FSTL5: variants seen among roughly 807,000 people sequenced by gnomAD.
The protein encoded by FSTL5 is follistatin like 5, also known as follistatin-related protein 5.
In FSTL5, 62 loss-of-function variants were observed where a neutral mutation model predicts 89.1. The ratio of observed to expected loss-of-function variants is 0.70; its 90% CI spans 0.57 to 0.86. The LOEUF is 0.86. Among genes scored for constraint, FSTL5 ranks in the 40% least tolerant of loss-of-function variants. The probability of loss-of-function intolerance (pLI) is 0.00; values close to 1 mark genes in which losing one functional copy is unlikely to be tolerated. For synonymous variants in FSTL5, 383 were observed against 346.2 expected (o/e 1.11, Z -1.18); for missense variants, 1,057 against 1,001.6 (o/e 1.06, Z -0.75).
At chr4:161,416,966 C>T (rs892772701) in intron 15 of FSTL5, among the ~76,000 whole-genome samples, 3 of 151,762 alleles carry the variant, frequency 2.0e-5, no homozygotes, top group Admixed American at 2.0e-4. Flanking sequence ...TATCTCTTTT[C>T]TATTAATCTT....
At chr4:161,743,091 AT>A (rs1740083493) in intron 6 of FSTL5, among the ~76,000 whole-genome samples, 1 of 151,926 alleles carries the variant, frequency 6.6e-6, no homozygotes, top group Admixed American at 6.6e-5. Flanking sequence ...TCTATATTTT[AT>A]TTTTTTACCT....
intron 4 of FSTL5, among the ~76,000 whole-genome samples, chr4:161,798,449 A>G (rs1470035289): frequency 6.6e-6 from 1 of 150,956 alleles, no homozygotes; most frequent in African/African-American, 2.4e-5. Flanking sequence ...CAGGGTGAAA[A>G]AATAAAGAAA....
chr4:161,771,333 C>T (rs749578499), intron 5 of FSTL5, among the ~76,000 whole-genome samples: 32 of 151,988 alleles, frequency 2.1e-4, no homozygotes, highest in Admixed American at 1.6e-3. Flanking sequence ...AGCAATGTTT[C>T]CAATAAGCTT....
At chr4:162,104,926 C>CT (rs1320783084) in intron 2 of FSTL5, among the ~76,000 whole-genome samples, 1 of 152,146 alleles carries the variant, frequency 6.6e-6, no homozygotes, top group Non-Finnish European at 1.5e-5. Flanking sequence ...AATACTACCC[C>CT]TTGTCAACAG....
chr4:161,640,855 C>T (rs940184325), intron 7 of FSTL5, among the ~76,000 whole-genome samples: 5 of 134,014 alleles, frequency 3.7e-5, no homozygotes, highest in Admixed American at 3.4e-4. Flanking sequence ...TACCTAGACA[C>T]TTTACAATCA....
At chr4:162,021,526 A>C (rs778584026) in intron 3 of FSTL5, among the ~76,000 whole-genome samples, 18 of 152,304 alleles carry the variant, frequency 1.2e-4, no homozygotes, top group Non-Finnish European at 2.4e-4. Flanking sequence ...CTCTCCTTTA[A>C]ATCCTTTATA....
intron 4 of FSTL5, among the ~76,000 whole-genome samples, chr4:161,848,697 ACT>A (rs1026650108): frequency 4.6e-5 from 7 of 152,144 alleles, no homozygotes; most frequent in African/African-American, 1.4e-4. Flanking sequence ...GTTGGTTCAA[ACT>A]CTACTCCATA....
chr4:162,146,676 T>G (rs1265825433), intron 1 of FSTL5, among the ~76,000 whole-genome samples: 5 of 12,912 alleles, frequency 3.9e-4, no homozygotes, highest in Non-Finnish European at 1.0e-3. Flanking sequence ...TTCCCTTCCC[T>G]TCCCTTCCCT....
intron 5 of FSTL5, among the ~76,000 whole-genome samples, chr4:161,761,724 A>T (rs1740813315): frequency 6.6e-6 from 1 of 152,234 alleles, no homozygotes; most frequent in African/African-American, 2.4e-5. Context: ...TGGGCAGGCC[A>T]TTTTAATGCA....
chr4:161,714,354 C>T (rs1271156267), intron 6 of FSTL5, among the ~76,000 whole-genome samples: 2 of 152,246 alleles, frequency 1.3e-5, no homozygotes, highest in East Asian at 1.9e-4. Context: ...TTGTTTGTTT[C>T]GGTTAAAAGT....
In FSTL5 at chr4:161,920,646, A is replaced by G. The variant is rs1418439232; in HGVS notation, c.167T>C (p.Met56Thr). ...NQESSRVKGFMIQDGPFGSCE... is the reference protein window; with the variant it reads ...NQESSRVKGFTIQDGPFGSCE... Reference sequence around the variant, plus strand: ...AGATCCAAAAGGGCCATCCTGAATCATAAATCCTGAAGAATTAAAAAAAAA... The same window carrying G: ...AGATCCAAAAGGGCCATCCTGAATCGTAAATCCTGAAGAATTAAAAAAAAA... Residue 56 changes from methionine (M) to threonine (T), a missense_variant, in exon 4 of 16, where the codon ATG becomes ACG. Physicochemically the swap from Met to Thr is moderately conservative, Grantham distance 81. Transcript: ENST00000306100. 6.4e-7 allele frequency: 1 copy of G among 1,571,878 alleles called. No individual in the cohort carries two copies. The highest frequency in any genetic ancestry group is 1.9e-5 in the Admixed American group (1 of 52,548).
intron 13 of FSTL5, among the ~76,000 whole-genome samples, chr4:161,476,490 C>A (rs1191198001): frequency 3.9e-5 from 6 of 152,028 alleles, no homozygotes; most frequent in Non-Finnish European, 8.8e-5. Context: ...ACATGCCCAG[C>A]CACTGCTGTT....
chr4:162,124,657 C>G (rs562758782), intron 1 of FSTL5, among the ~76,000 whole-genome samples: 2 of 152,264 alleles, frequency 1.3e-5, no homozygotes, highest in East Asian at 3.9e-4. Flanking sequence ...GCTGGAGACT[C>G]TATCAAAACA....
At chr4:161,832,597 G>A (rs534899909) in intron 4 of FSTL5, among the ~76,000 whole-genome samples, 2 of 152,182 alleles carry the variant, frequency 1.3e-5, no homozygotes, top group Non-Finnish European at 2.9e-5. Context: ...CTTCTTCCTG[G>A]TTTAGTCTTG....
chr4:161,775,774 T>C (rs1342823615), intron 5 of FSTL5, 104 bp downstream of exon 5: 7 of 576,612 alleles, frequency 1.2e-5, no homozygotes, highest in Middle Eastern at 4.7e-4. Context: ...TTCAATAATA[T>C]GGATCAAATA....
intron 15 of FSTL5, among the ~76,000 whole-genome samples, chr4:161,430,188 C>T (rs1320326564): frequency 6.7e-6 from 1 of 150,314 alleles, no homozygotes; most frequent in Non-Finnish European, 1.5e-5. Context: ...TTTGAAAATA[C>T]ACAGAGGAGC....
intron 6 of FSTL5, among the ~76,000 whole-genome samples, chr4:161,726,728 C>T (rs1739432696): frequency 6.6e-6 from 1 of 151,854 alleles, no homozygotes; most frequent in Non-Finnish European, 1.5e-5. Context: ...GTTAAAAGTA[C>T]ATTATTTGAG....
intron 7 of FSTL5, among the ~76,000 whole-genome samples, chr4:161,655,230 C>G (rs964290039): frequency 6.6e-6 from 1 of 151,868 alleles, no homozygotes; most frequent in Middle Eastern, 3.5e-3. Flanking sequence ...CTTTGACAGG[C>G]AAACATTATT....
At chr4:161,739,996 C>CTATCTATTTATTTATT (rs772699258) in intron 6 of FSTL5, among the ~76,000 whole-genome samples, 24 of 149,398 alleles carry the variant, frequency 1.6e-4, no homozygotes, top group Admixed American at 1.3e-3. Flanking sequence ...AGGATAGTAT[C>CTATCTATTTATTTATT]TATTTATTTA....
Sources: allele counts gnomAD v4.1 joint callset (sites outside exome capture counted in the v4.1 genomes callset), GRCh38; gene constraint gnomAD v4.1.1; transcripts MANE v1.5; gene names NCBI Gene and HGNC (gene_info 2026-07-23, HGNC 2026-07-21).